The following CPEB4 variants were observed in gnomAD, a reference collection of about 807,000 sequenced individuals.
CPEB4 encodes cytoplasmic polyadenylation element binding protein 4, also known as cytoplasmic polyadenylation element-binding protein 4.
A neutral mutation model predicts 72.5 loss-of-function variants in CPEB4; 12 were observed. The ratio of observed to expected loss-of-function variants is 0.17; its 90% confidence interval spans 0.11 to 0.27. The LOEUF (loss-of-function observed/expected upper bound fraction) is 0.27, where lower values mean the gene tolerates loss of function less well. CPEB4 is among the 10% of genes least tolerant of loss of function. CPEB4 has a pLI of 1.00. For missense variants in CPEB4, 614 were observed against 908.5 expected (o/e 0.68, Z 4.17); for synonymous variants, 302 against 326.3 (o/e 0.93, Z 0.80).
chr5:173,903,595 A>C (rs902401046), intron 1 of CPEB4, among the ~76,000 whole-genome samples: 5 of 152,150 alleles, frequency 3.3e-5, no homozygotes, highest in Admixed American at 3.3e-4. Context: ...ATTCTGACGT[A>C]CTCTCAAGTA....
intron 2 of CPEB4, among the ~76,000 whole-genome samples, chr5:173,913,956 T>C (rs1395776684): frequency 6.6e-6 from 1 of 152,204 alleles, no homozygotes; most frequent in African/African-American, 2.4e-5. Flanking sequence ...ATTACATGTA[T>C]TATTACTAAA....
intron 2 of CPEB4, among the ~76,000 whole-genome samples, chr5:173,930,588 C>T (rs1398554482): frequency 6.6e-6 from 1 of 151,868 alleles, no homozygotes; most frequent in African/African-American, 2.4e-5. Flanking sequence ...TTTTTTCTTC[C>T]ATCTCCATTC....
intron 1 of CPEB4, chr5:173,893,065 A>G (rs1170670979): frequency 6.6e-6 from 1 of 151,914 alleles, no homozygotes; most frequent in East Asian, 1.9e-4. Flanking sequence ...GCACACGCAC[A>G]CATGTATGAG....
chr5:173,904,227 T>C (rs1756342445), intron 1 of CPEB4, among the ~76,000 whole-genome samples: 1 of 152,238 alleles, frequency 6.6e-6, no homozygotes, highest in Non-Finnish European at 1.5e-5. Flanking sequence ...AGTTTCTTCA[T>C]CTGTGAAGTG....
chr5:173,914,554 G>C (rs1222024557), intron 2 of CPEB4, among the ~76,000 whole-genome samples: 2 of 152,098 alleles, frequency 1.3e-5, no homozygotes, highest in African/African-American at 4.8e-5. Context: ...TCAGGAGTTC[G>C]AGACCAGCCT....
intron 2 of CPEB4, among the ~76,000 whole-genome samples, chr5:173,922,784 C>T (rs949401074): frequency 1.3e-5 from 2 of 152,194 alleles, no homozygotes; most frequent in African/African-American, 2.4e-5. Context: ...CCAACTTTTG[C>T]GCTGCTTTGG....
chr5:173,932,752 A>C lies in CPEB4; in HGVS notation c.1258+252A>C, dbSNP rs1379764007. ...AATGAAAATCCCATAATGATACCTA[A>C]AGATTGGCTTTATCTAATATTAGCT... On this transcript the variant is annotated intron_variant, in intron 3 of 9. Transcript: ENST00000265085. Among the ~76,000 whole-genome samples, 3 of 152,190 alleles carry C rather than the reference A, an allele frequency of 2.0e-5. No individual in the cohort carries two copies. The East Asian group carries it at 5.8e-4, about 29-fold the overall frequency.
Position 173,888,620 on chromosome 5 carries a change from AAG to A in CPEB4, c.-1106_-1105del, listed in dbSNP as rs529191288. 2.8e-4 allele frequency: 111 copies of A among 401,150 alleles called. No individual in the cohort carries two copies. The highest frequency in any genetic ancestry group is 2.2e-3 in the African/African-American group (105 of 48,744). 24.8% of individuals were successfully genotyped at this position (401,150 alleles called of 1,614,324 possible). ...AGTTTAAAAAAAAATTCTGGGGGAA[AAG>A]AGAGAGAAAGCCGAGGGGGGAGGCC... On this transcript the variant is annotated 5_prime_UTR_variant, in exon 1 of 10. Coordinates refer to ENST00000265085, the MANE Select transcript of CPEB4 (RefSeq NM_030627.4). This position sits in a 1 kb window ranked among gnomAD's most constrained non-coding sequence, Gnocchi z 4.3.
intron 5 of CPEB4, among the ~76,000 whole-genome samples, chr5:173,948,513 C>T (rs1438614030): frequency 2.0e-5 from 3 of 152,082 alleles, no homozygotes; most frequent in Non-Finnish European, 4.4e-5. Flanking sequence ...AAAAGATTAA[C>T]ATGCTCATGG....
chr5:173,953,228 A>G lies in CPEB4; in HGVS notation c.1918A>G (p.Ser640Gly). The G allele has an allele frequency of 6.2e-7, 1 of 1,611,986 alleles. No homozygotes were observed. Among genetic ancestry groups the G allele is most frequent in the Non-Finnish European group, 8.5e-7 (1 of 1,178,744 alleles). The change falls in exon 9 of 10, where the codon AGT becomes GGT. Residue 640 changes from serine (S) to glycine (G), a missense_variant. Physicochemically the swap from Ser to Gly is moderately conservative, Grantham distance 56. This residue lies in a region of CPEB4 where 101 missense variants were observed against 243.1 expected (regional missense o/e 0.42). Transcript: ENST00000265085. ...TCAACAGAGTTACATAGCTGCTATC[A>G]GTGCCCGCTTTGTTCAGCTGCAGCA... ...SNQQSYIAAI[S>G]ARFVQLQHGE...
intron 1 of CPEB4, among the ~76,000 whole-genome samples, chr5:173,908,020 T>C (rs1036691531): frequency 3.3e-5 from 5 of 152,178 alleles, no homozygotes; most frequent in Non-Finnish European, 5.9e-5. Flanking sequence ...GAGATGGAAA[T>C]GGATGGCCCT....
chr5:173,906,876 TTA>T (rs1317718819), intron 1 of CPEB4, among the ~76,000 whole-genome samples: 16 of 152,254 alleles, frequency 1.1e-4, no homozygotes, highest in Non-Finnish European at 2.1e-4. Context: ...GCAAAAATCT[TTA>T]TGTTTCCCAC....
At chr5:173,936,600 T>TG (rs1561625298) in intron 3 of CPEB4, among the ~76,000 whole-genome samples, 1 of 152,204 alleles carries the variant, frequency 6.6e-6, no homozygotes, top group East Asian at 1.9e-4. Flanking sequence ...GCCCATTTTA[T>TG]GGTTATGAGA....
At chr5:173,932,387 T>C (rs1581148930) in intron 2 of CPEB4, 63 bp from the exon 3 acceptor site, 2 of 1,291,062 alleles carry the variant, frequency 1.5e-6, no homozygotes, top group East Asian at 2.3e-5. Context: ...AGCTCTGTTA[T>C]TGAATAAGTT....
At position 173,944,093 on chromosome 5, in the gene CPEB4, G is replaced by A. The variant is rs371077895; in HGVS notation, c.1283-874G>A. Among the ~76,000 whole-genome samples, 11 of 152,212 alleles carry A rather than the reference G, an allele frequency of 7.2e-5. No homozygotes were observed. The East Asian group carries it at 2.1e-3, about 29-fold the overall frequency. On this transcript the variant is annotated intron_variant, in intron 4 of 9. Transcript: ENST00000265085. ...TGTTTCCTGCATATATATTCTGGAC[G>A]ATAAGATTTTCAAACAGCAAATTTA...
At chr5:173,937,777 G>A (rs1265604785) in intron 3 of CPEB4, among the ~76,000 whole-genome samples, 1 of 152,112 alleles carries the variant, frequency 6.6e-6, no homozygotes. Context: ...GAGGGTTAGG[G>A]ACATAAGGAA....
At chr5:173,897,519 A>G (rs1756061698) in intron 1 of CPEB4, among the ~76,000 whole-genome samples, 1 of 152,208 alleles carries the variant, frequency 6.6e-6, no homozygotes, top group Admixed American at 6.5e-5. Flanking sequence ...TGAATCAGTA[A>G]CATGGTTTGT....
At position 173,889,873 on chromosome 5, in the gene CPEB4, A is replaced by G; in HGVS notation, c.140A>G (p.Asn47Ser). The G allele has an allele frequency of 1.2e-6, 2 of 1,614,192 alleles. No homozygotes were observed. Among genetic ancestry groups the G allele is most frequent in the Middle Eastern group, 1.6e-4 (1 of 6,062 alleles). The change falls in exon 1 of 10, where the codon AAT becomes AGT. Residue 47 changes from asparagine (N) to serine (S), a missense_variant. Coordinates refer to ENST00000265085, the MANE Select transcript of CPEB4 (RefSeq NM_030627.4). ...ATPSPAAFIN[N>S]NTAANGSSAG... is the part of the protein sequence containing the mutation. ...CCCAGCCCTGCTGCTTTTATAAATA[A>G]TAACACAGCTGCCAATGGCAGCAGT...
rs1581168815 is a variant in CPEB4 at position 173,950,223 on chromosome 5, T to C, written c.1665+145T>C. 1.1e-5 allele frequency: 6 copies of C among 541,580 alleles called. No individual in the cohort carries two copies. In the East Asian group the frequency reaches 1.9e-4, roughly 17 times the overall value. The allele number at this position is 541,580 out of a possible 1,614,324, so 33.5% of individuals were successfully genotyped here. A position where few individuals can be genotyped will look rare whatever the true frequency, so the allele number is the denominator to read the frequency against. On this transcript the variant is annotated intron_variant, in intron 7 of 9. Coordinates refer to ENST00000265085, the MANE Select transcript of CPEB4 (RefSeq NM_030627.4). The surrounding 1 kb of genome is among the most constrained non-coding windows in gnomAD (Gnocchi z 5.0). Reference sequence around the variant, plus strand: ...ACTAAGTAGTCTTGTTGTGAAGTTCTTAACATTGACATTCTGTGTATTTGC... The same window carrying C: ...ACTAAGTAGTCTTGTTGTGAAGTTCCTAACATTGACATTCTGTGTATTTGC...
Sources: gnomAD v4.1 joint callset for allele counts (sites outside exome capture counted in the v4.1 genomes callset) on GRCh38, gnomAD v4.1.1 for gene constraint, gnomAD v4.1.1 regional missense constraint, Gnocchi (gnomAD v3.1) non-coding constraint, MANE v1.5 for transcripts, NCBI Gene and HGNC (gene_info 2026-07-23, HGNC 2026-07-21) for gene names.